CADPS2: variants seen among roughly 807,000 people sequenced by gnomAD.
CADPS2 encodes calcium dependent secretion activator 2, also known as calcium-dependent secretion activator 2.
Under a neutral mutation model 172.5 loss-of-function variants are expected in CADPS2, and 93 were observed. The ratio of observed to expected loss-of-function variants is 0.54; its 90% CI spans 0.46 to 0.64. CADPS2 has a LOEUF of 0.64. Ranked by LOEUF, CADPS2 falls within the 30% of genes least tolerant of loss-of-function variation. The pLI is 0.00. For synonymous variants in CADPS2, 546 were observed against 555.2 expected (o/e 0.98, Z 0.23); for missense variants, 1,420 against 1,565.9 (o/e 0.91, Z 1.57).
chr7:122,850,397 T>C, intron 1 of CADPS2: 1 of 318,440 alleles, frequency 3.1e-6, no homozygotes, highest in Non-Finnish European at 6.0e-6. Context: ...GAGCACTGGG[T>C]TGCAGTGGAT....
intron 14 of CADPS2, among the ~76,000 whole-genome samples, chr7:122,467,593 C>G (rs939694868): frequency 2.6e-5 from 4 of 152,166 alleles, no homozygotes; most frequent in African/African-American, 9.7e-5. Flanking sequence ...TACTTGAAAG[C>G]AAGCACATCT....
At chr7:122,699,451 G>A (rs965036447) in intron 2 of CADPS2, among the ~76,000 whole-genome samples, 3 of 152,090 alleles carry the variant, frequency 2.0e-5, no homozygotes, top group African/African-American at 4.8e-5. Context: ...CTAAAAAAAA[G>A]GATAATTAAA....
At chr7:122,438,902 A>G (rs2151947287) in intron 16 of CADPS2, among the ~76,000 whole-genome samples, 1 of 151,458 alleles carries the variant, frequency 6.6e-6, no homozygotes, top group Middle Eastern at 3.4e-3. Flanking sequence ...CAAAAATTCC[A>G]TTAAGAATAA....
chr7:122,480,550 G>A (rs77633002), intron 12 of CADPS2, among the ~76,000 whole-genome samples: 4,619 of 152,056 alleles, frequency 0.03, 205 homozygotes, highest in African/African-American at 0.11. Context: ...AAATAATACC[G>A]CATGTATAAC....
At chr7:122,592,886 T>C (rs1461843026) in intron 6 of CADPS2, among the ~76,000 whole-genome samples, 2 of 151,262 alleles carry the variant, frequency 1.3e-5, no homozygotes, top group African/African-American at 2.4e-5. Context: ...ATACCTAATG[T>C]AAATGATGAG....
chr7:122,846,344 A>G (rs950979807), intron 1 of CADPS2, among the ~76,000 whole-genome samples: 1 of 152,224 alleles, frequency 6.6e-6, no homozygotes, highest in African/African-American at 2.4e-5. Context: ...CTGATATAAC[A>G]AGAAAATCAC....
intron 1 of CADPS2, among the ~76,000 whole-genome samples, chr7:122,749,227 G>C (rs77711660): frequency 6.6e-6 from 1 of 152,206 alleles, no homozygotes; most frequent in African/African-American, 2.4e-5. Context: ...GAAATCAATG[G>C]GTAAGGGAAA....
chr7:122,645,681 A>ATATATATATCTCTCTCTC (rs796988558), intron 3 of CADPS2, among the ~76,000 whole-genome samples: 1 of 116,824 alleles, frequency 8.6e-6, no homozygotes, highest in African/African-American at 3.2e-5. Context: ...ATATATATAT[A>ATATATATATCTCTCTCTC]TCTTGGGATT....
chr7:122,801,638 T>C (rs1201159201), intron 1 of CADPS2, among the ~76,000 whole-genome samples: 1 of 151,752 alleles, frequency 6.6e-6, no homozygotes, highest in Admixed American at 6.6e-5. Flanking sequence ...TTTCAGTAAA[T>C]GCAATGAGAA....
chr7:122,437,363 G>A (rs1428605562), intron 17 of CADPS2, among the ~76,000 whole-genome samples: 8 of 152,020 alleles, frequency 5.3e-5, no homozygotes, highest in Non-Finnish European at 1.0e-4. Flanking sequence ...AGCTTGACCA[G>A]ATTTGGAGAG....
intron 3 of CADPS2, among the ~76,000 whole-genome samples, chr7:122,651,289 G>A (rs2079123992): frequency 6.6e-6 from 1 of 150,842 alleles, no homozygotes; most frequent in South Asian, 2.1e-4. Context: ...GACAGTGGTG[G>A]AAGTCAGTCT....
intron 11 of CADPS2, among the ~76,000 whole-genome samples, chr7:122,487,680 T>C (rs1363599027): frequency 6.6e-6 from 1 of 152,176 alleles, no homozygotes; most frequent in Non-Finnish European, 1.5e-5. Context: ...TATTAAAATG[T>C]AAAGGACTCA....
intron 1 of CADPS2, among the ~76,000 whole-genome samples, chr7:122,813,797 A>G (rs1489978719): frequency 6.6e-6 from 1 of 152,108 alleles, no homozygotes; most frequent in Non-Finnish European, 1.5e-5. Context: ...TAATGAATAG[A>G]TTATATTTAT....
chr7:122,654,479 A>G (rs2079521400), intron 3 of CADPS2, among the ~76,000 whole-genome samples: 1 of 152,226 alleles, frequency 6.6e-6, no homozygotes, highest in Non-Finnish European at 1.5e-5. Flanking sequence ...CTATTCTGAA[A>G]ACATGAGGGA....
intron 14 of CADPS2, among the ~76,000 whole-genome samples, chr7:122,467,040 G>A (rs947044363): frequency 1.3e-5 from 2 of 151,966 alleles, no homozygotes; most frequent in African/African-American, 4.8e-5. Context: ...GTAGATTTAG[G>A]GTTGTTCTAC....
At chr7:122,664,465 C>T (rs1294816510) in intron 2 of CADPS2, among the ~76,000 whole-genome samples, 1 of 152,112 alleles carries the variant, frequency 6.6e-6, no homozygotes, top group Non-Finnish European at 1.5e-5. Flanking sequence ...GTAAGATGTT[C>T]ATGAGACAGG....
intron 7 of CADPS2, among the ~76,000 whole-genome samples, chr7:122,580,796 C>G (rs752087205): frequency 6.6e-6 from 1 of 152,070 alleles, no homozygotes; most frequent in Admixed American, 6.6e-5. Context: ...ACATGAAGAG[C>G]AGATGATTTC....
intron 8 of CADPS2, among the ~76,000 whole-genome samples, chr7:122,519,490 G>C (rs974006192): frequency 6.6e-6 from 1 of 152,028 alleles, no homozygotes; most frequent in Non-Finnish European, 1.5e-5. Flanking sequence ...TAACACACAA[G>C]AGTAAAGCCT....
At position 122,319,341 on chromosome 7, in the gene CADPS2, C is replaced by G. The variant is rs1441392388; in HGVS notation, c.*824G>C. 1 of 152,152 alleles carries G rather than the reference C, an allele frequency of 6.6e-6. No individual in the cohort carries two copies. Among genetic ancestry groups the G allele is most frequent in the African/African-American group, 2.4e-5 (1 of 41,440 alleles). 9.4% of individuals were successfully genotyped at this position (152,152 alleles called of 1,614,324 possible). ...TCAGATAGTTGGGATGTTTGAAACA[C>G]TGCAAACCTCTTTTACTGCATTTGC... On this transcript the variant is annotated 3_prime_UTR_variant, in exon 30 of 30. Coordinates refer to ENST00000449022, the MANE Select transcript of CADPS2 (RefSeq NM_017954.11).
Sources: gnomAD v4.1 joint callset for allele counts (sites outside exome capture counted in the v4.1 genomes callset) on GRCh38, gnomAD v4.1.1 for gene constraint, MANE v1.5 for transcripts, NCBI Gene and HGNC (gene_info 2026-07-23, HGNC 2026-07-21) for gene names.